Variants in SORCS3 observed in about 807,000 individuals in gnomAD.
The protein encoded by SORCS3 is sortilin related VPS10 domain containing receptor 3.
SORCS3 carries 57 observed loss-of-function variants against 146.3 expected under a neutral mutation model. The observed-to-expected ratio is 0.39, with a 90% CI of 0.31 to 0.49. The LOEUF (loss-of-function observed/expected upper bound fraction) is 0.49, where lower values mean the gene tolerates loss of function less well. SORCS3 is among the 20% of genes least tolerant of loss of function. The pLI is 0.92. For missense variants in SORCS3, 1,341 were observed against 1,575.5 expected (o/e 0.85, Z 2.52); for synonymous variants, 653 against 618.5 (o/e 1.06, Z -0.83).
At chr10:104,827,306 A>T (rs911440531) in intron 1 of SORCS3, among the ~76,000 whole-genome samples, 9 of 151,464 alleles carry the variant, frequency 5.9e-5, no homozygotes, top group East Asian at 3.9e-4. Context: ...GTATTTTTTT[A>T]AAAAAATAAG....
chr10:104,865,873 G>A (rs1359142990), intron 2 of SORCS3, among the ~76,000 whole-genome samples: 1 of 152,202 alleles, frequency 6.6e-6, no homozygotes, highest in African/African-American at 2.4e-5. Flanking sequence ...TTGCGAGATA[G>A]TACTTCACTC....
At chr10:105,150,560 G>A (rs894805539) in intron 9 of SORCS3, among the ~76,000 whole-genome samples, 1 of 152,156 alleles carries the variant, frequency 6.6e-6, no homozygotes, top group East Asian at 1.9e-4. Flanking sequence ...AATGGAATGA[G>A]CCAAGGACTG....
At chr10:104,692,406 CTG>C (rs1163437252) in intron 1 of SORCS3, among the ~76,000 whole-genome samples, 2 of 152,148 alleles carry the variant, frequency 1.3e-5, no homozygotes, top group African/African-American at 2.4e-5. Flanking sequence ...ACTGAGTTTT[CTG>C]TATGTACACA....
chr10:105,260,375 A>G (rs2056953618), intron 25 of SORCS3, among the ~76,000 whole-genome samples: 1 of 152,208 alleles, frequency 6.6e-6, no homozygotes, highest in African/African-American at 2.4e-5. Flanking sequence ...CAGTTATTAG[A>G]CTGTATTTTC....
At chr10:105,186,507 A>G (rs1054055865) in intron 14 of SORCS3, among the ~76,000 whole-genome samples, 1 of 142,138 alleles carries the variant, frequency 7.0e-6, no homozygotes, top group African/African-American at 2.6e-5. Context: ...ATAAAGTAGG[A>G]AACTGAGAAA....
At chr10:105,146,617 A>G (rs2056133008) in intron 8 of SORCS3, among the ~76,000 whole-genome samples, 1 of 152,028 alleles carries the variant, frequency 6.6e-6, no homozygotes, top group Non-Finnish European at 1.5e-5. Context: ...TGAAATCTCT[A>G]ATCTAGAGGT....
chr10:105,064,152 A>G (rs1422711635), intron 5 of SORCS3, among the ~76,000 whole-genome samples: 3 of 152,236 alleles, frequency 2.0e-5, no homozygotes, highest in Non-Finnish European at 4.4e-5. Context: ...CTTAGCACTT[A>G]TGGTGTAGCA....
chr10:105,029,004 G>A (rs2055247816), intron 4 of SORCS3, among the ~76,000 whole-genome samples: 1 of 152,192 alleles, frequency 6.6e-6, no homozygotes, highest in African/African-American at 2.4e-5. Context: ...TCTAATGAAA[G>A]TGTGGCTATG....
intron 1 of SORCS3, among the ~76,000 whole-genome samples, chr10:104,681,271 G>A (rs1202141969): frequency 6.6e-6 from 1 of 152,192 alleles, no homozygotes; most frequent in Non-Finnish European, 1.5e-5. Flanking sequence ...GGAGAGCGCA[G>A]CAGTGCCGCA....
chr10:104,967,925 G>C (rs1470647012), intron 3 of SORCS3, among the ~76,000 whole-genome samples: 1 of 151,878 alleles, frequency 6.6e-6, no homozygotes. Context: ...CTCCCAAAAT[G>C]CTGGGATTAC....
chr10:105,000,499 G>GT (rs947380332), intron 4 of SORCS3, among the ~76,000 whole-genome samples: 5 of 152,046 alleles, frequency 3.3e-5, no homozygotes, highest in South Asian at 4.2e-4. Context: ...GTTTTGTTTT[G>GT]TTTTTTGCTT....
chr10:104,713,571 T>C (rs937776953), intron 1 of SORCS3, among the ~76,000 whole-genome samples: 2 of 152,198 alleles, frequency 1.3e-5, no homozygotes, highest in African/African-American at 2.4e-5. Context: ...TTTTCTTCTA[T>C]AGTCTGTTGA....
At chr10:105,092,899 C>T (rs1166294605) in intron 6 of SORCS3, among the ~76,000 whole-genome samples, 7 of 152,032 alleles carry the variant, frequency 4.6e-5, no homozygotes, top group African/African-American at 9.7e-5. Context: ...GCTTTCTCCC[C>T]GAAGAGCAGT....
chr10:105,171,022 A>G (rs2056355238), intron 13 of SORCS3, among the ~76,000 whole-genome samples: 2 of 152,162 alleles, frequency 1.3e-5, no homozygotes, highest in South Asian at 4.1e-4. Context: ...TCAGACTGAC[A>G]TTGTTTTATA....
chr10:105,157,425 G>T (rs2056220808), intron 10 of SORCS3, 141 bp downstream of exon 10: 2 of 945,444 alleles, frequency 2.1e-6, no homozygotes, highest in Non-Finnish European at 3.1e-6. Context: ...CAGGGCATTG[G>T]TGTGTGGACT....
chr10:105,071,016 G>T (rs1465908221), intron 5 of SORCS3, among the ~76,000 whole-genome samples: 2 of 151,678 alleles, frequency 1.3e-5, no homozygotes, highest in Non-Finnish European at 1.5e-5. Context: ...GAGAGGTATT[G>T]TCCAGTCCAG....
At chr10:104,851,628 C>T (rs561412716) in intron 2 of SORCS3, among the ~76,000 whole-genome samples, 10 of 152,224 alleles carry the variant, frequency 6.6e-5, no homozygotes, top group Admixed American at 5.9e-4. Context: ...GTGTGTAAAA[C>T]TGTGATAGGT....
chr10:104,901,321 A>G (rs2018849014), intron 2 of SORCS3, among the ~76,000 whole-genome samples: 4 of 152,234 alleles, frequency 2.6e-5, no homozygotes, highest in African/African-American at 4.8e-5. Context: ...GACCTGGTCA[A>G]GATCACACAA....
At chr10:104,846,328 T>C (rs2018203833) in intron 2 of SORCS3, among the ~76,000 whole-genome samples, 1 of 152,228 alleles carries the variant, frequency 6.6e-6, no homozygotes, top group African/African-American at 2.4e-5. Context: ...TGATGTATTT[T>C]ATAGTTAGAG....
Sources: gnomAD v4.1 joint callset for allele counts (sites outside exome capture counted in the v4.1 genomes callset) on GRCh38, gnomAD v4.1.1 for gene constraint, MANE v1.5 for transcripts, NCBI Gene and HGNC (gene_info 2026-07-23, HGNC 2026-07-21) for gene names.